The following GARS1 variants were observed in gnomAD, a reference collection of about 807,000 sequenced individuals.
GARS1 encodes glycyl-tRNA synthetase 1, also known as glycine--tRNA ligase.
GARS1 carries 46 observed loss-of-function variants against 86.4 expected under a neutral mutation model. The observed-to-expected ratio is 0.53, with a 90% CI of 0.42 to 0.68. GARS1 has a LOEUF of 0.68. Among genes scored for constraint, GARS1 ranks in the 30% least tolerant of loss-of-function variants. The probability of loss-of-function intolerance (pLI) is 0.00; values close to 1 mark genes in which losing one functional copy is unlikely to be tolerated. For missense variants in GARS1, 797 were observed against 915.6 expected, an observed-to-expected ratio of 0.87 and a Z score of 1.67; for synonymous variants, 342 against 329.8, an observed-to-expected ratio of 1.04 and a Z score of -0.40.
chr7:30,618,964 C>G (rs1782944432), intron 10 of GARS1, among the ~76,000 whole-genome samples: 2 of 152,244 alleles, frequency 1.3e-5, no homozygotes, highest in African/African-American at 4.8e-5. Context: ...ATTTTCAGAT[C>G]AAACCAATAA....
At chr7:30,618,108 TA>T (rs779879928) in intron 10 of GARS1, among the ~76,000 whole-genome samples, 31 of 152,334 alleles carry the variant, frequency 2.0e-4, no homozygotes, top group South Asian at 4.1e-4. Flanking sequence ...AGTCATATTT[TA>T]AAAAGTAATG....
At chr7:30,618,523 A>G (rs1164347717) in intron 10 of GARS1, among the ~76,000 whole-genome samples, 2 of 152,104 alleles carry the variant, frequency 1.3e-5, no homozygotes, top group Non-Finnish European at 2.9e-5. Context: ...AGTTTCAGCT[A>G]CTTGGGAGGC....
chr7:30,621,309 G>A (rs1161324582), intron 10 of GARS1, 84 bp from the exon 11 acceptor site: 10 of 1,073,750 alleles, frequency 9.3e-6, no homozygotes, highest in Non-Finnish European at 1.3e-5. Context: ...TATATGAAAG[G>A]TTTATAATCT....
At chr7:30,612,572 C>T (rs1205992290) in intron 8 of GARS1, among the ~76,000 whole-genome samples, 2 of 130,320 alleles carry the variant, frequency 1.5e-5, no homozygotes, top group Non-Finnish European at 3.2e-5. Flanking sequence ...CAAGGCAATA[C>T]TGGCAATGGT....
intron 12 of GARS1, among the ~76,000 whole-genome samples, chr7:30,623,619 A>C (rs1222419166): frequency 6.6e-6 from 1 of 152,216 alleles, no homozygotes; most frequent in Non-Finnish European, 1.5e-5. Flanking sequence ...AGTCTAATGC[A>C]TGTGTAATTG....
intron 2 of GARS1, 47 bp from the exon 3 acceptor site, chr7:30,599,900 T>TTTCCC: frequency 8.3e-7 from 1 of 1,198,670 alleles, no homozygotes. Context: ...AAGTTCAGAT[T>TTTCCC]CCCACCCACC....
In GARS1 at chr7:30,603,570, CA is replaced by C; in HGVS notation, c.734del (p.Gln245ArgfsTer15). 6.2e-7 allele frequency: 1 copy of C among 1,610,616 alleles called. No homozygotes were observed. Among genetic ancestry groups the C allele is most frequent in the Non-Finnish European group, 8.5e-7 (1 of 1,177,152 alleles). On this transcript the variant is annotated frameshift_variant and splice_region_variant, in exon 6 of 17. Coordinates refer to ENST00000389266, the MANE Select transcript of GARS1 (RefSeq NM_002047.4). LOFTEE classifies it high-confidence loss of function. ...KKSEMESVLA[Q>X]LDNYGQQELA... ...ATCAGAAATGGAAAGTGTTTTGGCC[CA>C]GGTGAGTACTCTAGAGATGTTATCA... is the stretch of plus-strand genomic sequence containing the variant.
intron 6 of GARS1, among the ~76,000 whole-genome samples, chr7:30,608,401 A>T (rs1791524046): frequency 6.6e-6 from 1 of 152,016 alleles, no homozygotes. Flanking sequence ...TTAACTTTCT[A>T]CTCTAGTAGG....
intron 3 of GARS1, among the ~76,000 whole-genome samples, chr7:30,600,666 A>G (rs1463372117): frequency 1.3e-5 from 2 of 152,228 alleles, no homozygotes; most frequent in Non-Finnish European, 2.9e-5. Flanking sequence ...TTTGAGGTTA[A>G]ATAGTGCCTC....
In GARS1 at chr7:30,622,780, C is replaced by G. The variant is rs1326726520; in HGVS notation, c.1613+318C>G. On this transcript the variant is annotated intron_variant, in intron 12 of 16. Coordinates refer to ENST00000389266, the MANE Select transcript of GARS1 (RefSeq NM_002047.4). ...CTCCTTTTTGGAGGTTTAGAATACTCTCTGTAATTGTTTAAGCATGAATAT... is the reference window on the plus strand; with the variant it reads ...CTCCTTTTTGGAGGTTTAGAATACTGTCTGTAATTGTTTAAGCATGAATAT... 4 of 364,404 alleles carry G rather than the reference C, an allele frequency of 1.1e-5. No individual in the cohort carries two copies. In the East Asian group the frequency reaches 2.7e-4, roughly 25 times the overall value. 22.6% of individuals were successfully genotyped at this position (364,404 alleles called of 1,614,324 possible). A position where few individuals can be genotyped will look rare whatever the true frequency, so the allele number is the denominator to read the frequency against.
Position 30,631,557 on chromosome 7 carries a change from T to G in GARS1, c.1903+16T>G, listed in dbSNP as rs1203332360. On this transcript the variant is annotated intron_variant, in intron 15 of 16. Coordinates refer to ENST00000389266, the MANE Select transcript of GARS1 (RefSeq NM_002047.4). ...AAGGAATTATGTAAGCAAATTCAAT[T>G]GGGTAAACTCCATGGGAACACCATC... 1 of 1,544,932 alleles carries G rather than the reference T, an allele frequency of 6.5e-7. No individual in the cohort carries two copies. The highest frequency in any genetic ancestry group is 9.0e-7 in the Non-Finnish European group (1 of 1,117,162).
chr7:30,622,497 C>T, intron 12 of GARS1, 35 bp downstream of exon 12: 3 of 1,612,836 alleles, frequency 1.9e-6, no homozygotes, highest in Non-Finnish European at 2.5e-6. Context: ...CCATGGGCTC[C>T]AGTCAGTTGT....
intron 13 of GARS1, among the ~76,000 whole-genome samples, chr7:30,626,710 T>A (rs1175262720): frequency 6.6e-6 from 1 of 152,144 alleles, no homozygotes; most frequent in Non-Finnish European, 1.5e-5. Context: ...GGGCCGGGCG[T>A]GGTGGCTTAC....
At chr7:30,599,908 AC>A in intron 2 of GARS1, 38 bp from the exon 3 acceptor site, 1 of 1,119,544 alleles carries the variant, frequency 8.9e-7, no homozygotes, top group Non-Finnish European at 1.4e-6. Context: ...ATTCCCACCC[AC>A]CCCTCCACTC....
intron 1 of GARS1, among the ~76,000 whole-genome samples, 199 bp downstream of exon 1, chr7:30,595,342 C>A (rs1791224359): frequency 6.6e-6 from 1 of 152,228 alleles, no homozygotes; most frequent in Non-Finnish European, 1.5e-5. Context: ...TCCCGCGGAC[C>A]TCCGTCCTCC....
At chr7:30,600,119 A>G (rs564509144) in intron 3 of GARS1, 70 bp downstream of exon 3, 6 of 1,136,100 alleles carry the variant, frequency 5.3e-6, no homozygotes, top group Middle Eastern at 3.9e-4. Context: ...AATCAAGAAC[A>G]TGGCTTGCCT....
intron 7 of GARS1, among the ~76,000 whole-genome samples, chr7:30,611,672 CAG>C (rs1235020989): frequency 6.6e-6 from 1 of 152,164 alleles, no homozygotes; most frequent in Non-Finnish European, 1.5e-5. Context: ...TTAGTAGAGA[CAG>C]GGTTTCTCCA....
chr7:30,598,771 A>T (rs747257211), intron 1 of GARS1, 25 bp from the exon 2 acceptor site: 1 of 1,571,412 alleles, frequency 6.4e-7, no homozygotes. Context: ...ACCAATCCTG[A>T]ATATAAATTC....
At chr7:30,597,825 T>C (rs1332705401) in intron 1 of GARS1, among the ~76,000 whole-genome samples, 1 of 152,212 alleles carries the variant, frequency 6.6e-6, no homozygotes, top group East Asian at 1.9e-4. Flanking sequence ...AGAAACTCTG[T>C]TGGGTGCCCA....
Sources: gnomAD v4.1 joint callset for allele counts (sites outside exome capture counted in the v4.1 genomes callset) on GRCh38, gnomAD v4.1.1 for gene constraint, MANE v1.5 for transcripts, NCBI Gene and HGNC (gene_info 2026-07-23, HGNC 2026-07-21) for gene names.